ARAP2: variants seen among roughly 807,000 people sequenced by gnomAD.
ARAP2 encodes ArfGAP with RhoGAP domain, ankyrin repeat and PH domain 2.
Under a neutral mutation model 194.5 loss-of-function variants are expected in ARAP2, and 148 were observed. The ratio of observed to expected loss-of-function variants is 0.76; its 90% CI spans 0.67 to 0.87. The LOEUF (loss-of-function observed/expected upper bound fraction) is 0.87, where lower values mean the gene tolerates loss of function less well. Ranked by LOEUF, ARAP2 falls within the 40% of genes least tolerant of loss-of-function variation. The probability of loss-of-function intolerance (pLI) is 0.00; values close to 1 mark genes in which losing one functional copy is unlikely to be tolerated. For missense variants in ARAP2, 2,128 were observed against 1,989.7 expected (o/e 1.07, Z -1.32); for synonymous variants, 695 against 683.5 (o/e 1.02, Z -0.26).
Position 36,204,918 on chromosome 4 carries a change from G to A in ARAP2, c.1487+5472C>T, listed in dbSNP as rs560404279. ...GCAGAGAACTGCTTGAACCCAGGAG[G>A]TGAAGTTTGCAGTGAGCCAAGATCA... On this transcript the variant is annotated intron_variant, in intron 6 of 32. Transcript: ENST00000303965. 2.3e-5 allele frequency among the ~76,000 whole-genome samples: 3 copies of A among 129,124 alleles called. No homozygotes were observed. The South Asian group carries it at 7.9e-4, about 34-fold the overall frequency. 84.7% of individuals were successfully genotyped at this position (129,124 alleles called of 152,430 possible). A position where few individuals can be genotyped will look rare whatever the true frequency, so the allele number is the denominator to read the frequency against.
chr4:36,173,839 T>C (rs2109835392), intron 9 of ARAP2, among the ~76,000 whole-genome samples: 2 of 152,318 alleles, frequency 1.3e-5, no homozygotes, highest in African/African-American at 4.8e-5. Context: ...TTTGGGAATA[T>C]AAAAATGATA....
At chr4:36,234,495 T>C (rs560036393) in intron 1 of ARAP2, among the ~76,000 whole-genome samples, 1 of 152,250 alleles carries the variant, frequency 6.6e-6, no homozygotes, top group Admixed American at 6.5e-5. Flanking sequence ...ACACACACAT[T>C]CAGACCATAG....
intron 27 of ARAP2, among the ~76,000 whole-genome samples, chr4:36,094,740 G>A (rs1372705643): frequency 1.3e-5 from 2 of 152,260 alleles, no homozygotes; most frequent in African/African-American, 2.4e-5. Flanking sequence ...TGTGGAGCAC[G>A]AGGCAAGCAC....
intron 28 of ARAP2, among the ~76,000 whole-genome samples, chr4:36,086,791 C>T (rs1314308122): frequency 1.3e-5 from 2 of 152,040 alleles, no homozygotes; most frequent in African/African-American, 2.4e-5. Context: ...TTTTAATGAT[C>T]CCCTTTACCC....
chr4:36,208,764 T>C (rs1746108088), intron 6 of ARAP2, among the ~76,000 whole-genome samples: 1 of 152,162 alleles, frequency 6.6e-6, no homozygotes, highest in South Asian at 2.1e-4. Flanking sequence ...TTTTAAAATT[T>C]CTTGGTGATA....
chr4:36,043,798 GGGAA>G (rs2109232482), intron 5 of ARAP2, among the ~76,000 whole-genome samples: 1 of 52,614 alleles, frequency 1.9e-5, no homozygotes, highest in African/African-American at 5.6e-5. Context: ...GAGAAGAGAA[GGGAA>G]GGGAAGGGAA....
chr4:36,239,573 G>A (rs745953237), intron 1 of ARAP2, among the ~76,000 whole-genome samples: 18 of 152,122 alleles, frequency 1.2e-4, no homozygotes, highest in Non-Finnish European at 2.5e-4. Flanking sequence ...GGTATCTACC[G>A]TAGTCAAATT....
chr4:36,133,693 G>T (rs1725980574), intron 19 of ARAP2, among the ~76,000 whole-genome samples: 1 of 151,606 alleles, frequency 6.6e-6, no homozygotes, highest in Non-Finnish European at 1.5e-5. Context: ...GGATATTTCT[G>T]GTTACGTTTT....
intron 5 of ARAP2, among the ~76,000 whole-genome samples, chr4:36,041,968 T>C (rs1393740665): frequency 6.6e-6 from 1 of 151,932 alleles, no homozygotes; most frequent in Non-Finnish European, 1.5e-5. Flanking sequence ...TAGGATGAAA[T>C]CATAAGAACT....
At chr4:36,178,059 A>C in intron 8 of ARAP2, 54 bp from the exon 9 acceptor site, 1 of 1,471,656 alleles carries the variant, frequency 6.8e-7, no homozygotes, top group South Asian at 1.4e-5. Flanking sequence ...TTACATAGAC[A>C]CAGAAACGTC....
Position 36,128,541 on chromosome 4 carries a change from G to A in ARAP2, c.3632C>T (p.Ser1211Phe). ...LTKELYPYWI[S>F]ALDTQDDKER... is the part of the protein sequence containing the mutation. ...ATCTGTATAAATATTACCTAAAGCA[G>A]AGATCCAATATGGGTAGAGCTCCTT... The change falls in exon 21 of 33, where the codon TCT becomes TTT. Residue 1211 changes from serine (S) to phenylalanine (F), a missense_variant. Physicochemically the swap from Ser to Phe is radical, Grantham distance 155. Transcript: ENST00000303965. 1.2e-6 allele frequency: 2 copies of A among 1,607,338 alleles called. No individual in the cohort carries two copies.
chr4:36,224,474 T>C (rs1749855859), intron 2 of ARAP2, among the ~76,000 whole-genome samples: 1 of 152,074 alleles, frequency 6.6e-6, no homozygotes, highest in African/African-American at 2.4e-5. Flanking sequence ...TCTGTGAAGT[T>C]TTAAAAAACA....
intron 27 of ARAP2, among the ~76,000 whole-genome samples, chr4:36,105,469 T>TAG (rs1718134062): frequency 6.6e-6 from 1 of 151,986 alleles, no homozygotes; most frequent in Non-Finnish European, 1.5e-5. Context: ...GTCTAGATCT[T>TAG]ACAGAGGCTT....
At chr4:36,058,035 T>G (rs138340310) in exon 2 of ARAP2, 1 of 152,094 alleles carries the variant, frequency 6.6e-6, no homozygotes, top group Non-Finnish European at 1.5e-5. Context: ...TGAATTGAGG[T>G]TGTGGGCAGT....
At chr4:36,167,517 C>G (rs1281936091) in intron 9 of ARAP2, among the ~76,000 whole-genome samples, 3 of 152,094 alleles carry the variant, frequency 2.0e-5, no homozygotes, top group Non-Finnish European at 4.4e-5. Flanking sequence ...GAAAAAAGAT[C>G]TGGAGCCCAA....
chr4:36,171,629 C>T (rs1324629039), intron 9 of ARAP2, among the ~76,000 whole-genome samples: 2 of 151,694 alleles, frequency 1.3e-5, no homozygotes. Context: ...ATGTAACTAA[C>T]CTGCACATTG....
chr4:36,215,807 G>A (rs577124170), intron 2 of ARAP2, among the ~76,000 whole-genome samples: 2 of 151,680 alleles, frequency 1.3e-5, no homozygotes, highest in Non-Finnish European at 2.9e-5. Context: ...CCATGATCGT[G>A]CCACTGCACT....
chr4:36,209,095 C>T (rs1746190019), intron 6 of ARAP2, among the ~76,000 whole-genome samples: 1 of 152,088 alleles, frequency 6.6e-6, no homozygotes, highest in Non-Finnish European at 1.5e-5. Context: ...CACAGGAAAC[C>T]ACAGCCGCTG....
At chr4:36,027,636 T>C (rs1718156837) in intron 5 of ARAP2, among the ~76,000 whole-genome samples, 1 of 152,044 alleles carries the variant, frequency 6.6e-6, no homozygotes, top group Non-Finnish European at 1.5e-5. Context: ...TTATCATGTA[T>C]CTATTACTTA....
Sources: gnomAD v4.1 joint callset for allele counts (sites outside exome capture counted in the v4.1 genomes callset) on GRCh38, gnomAD v4.1.1 for gene constraint, MANE v1.5 for transcripts, NCBI Gene and HGNC (gene_info 2026-07-23, HGNC 2026-07-21) for gene names.